Variants in DACH2 observed in about 807,000 individuals in gnomAD.
The protein encoded by DACH2 is dachshund homolog 2.
Under a neutral mutation model 35.8 loss-of-function variants are expected in DACH2, and 17 were observed. The observed-to-expected ratio is 0.48, with a 90% CI of 0.33 to 0.71. DACH2 has a LOEUF of 0.71. DACH2 is among the 30% of genes least tolerant of loss of function. The probability of loss-of-function intolerance (pLI) is 0.02; values close to 1 mark genes in which losing one functional copy is unlikely to be tolerated. For missense variants in DACH2, 469 were observed against 472.7 expected (o/e 0.99, Z 0.07); for synonymous variants, 195 against 177.3 (o/e 1.10, Z -0.79).
At chrX:86,444,131 C>T (rs1219261660) in intron 2 of DACH2, among the ~76,000 whole-genome samples, 1 of 111,729 alleles carries the variant, frequency 9.0e-6, no homozygotes, top group African/African-American at 3.3e-5. Flanking sequence ...TGCCCTGTCA[C>T]CCAGGCTGGA....
intron 2 of DACH2, among the ~76,000 whole-genome samples, chrX:86,425,009 C>T (rs962423431): frequency 1.8e-4 from 20 of 110,923 alleles, no homozygotes; most frequent in African/African-American, 5.6e-4. Flanking sequence ...TGTCCTTGTA[C>T]CCCAGGGATA....
chrX:86,157,044 C>CT (rs2030570327), intron 1 of DACH2, among the ~76,000 whole-genome samples: 1 of 110,742 alleles, frequency 9.0e-6, no homozygotes, highest in Non-Finnish European at 1.9e-5. Flanking sequence ...GAAGTTGAAA[C>CT]TACTCGTATC....
chrX:86,238,751 G>T lies in DACH2; in HGVS notation c.488+89643G>T, dbSNP rs1297837819. Among the ~76,000 whole-genome samples, 22 of 111,012 alleles carry T rather than the reference G, an allele frequency of 2.0e-4. No individual in the cohort carries two copies. The Admixed American group carries it at 2.0e-3, about 10-fold the overall frequency. The stretch of plus-strand genomic sequence containing the variant: ...CTACCAGTACATAATGAAAGAACAT[G>T]AAATTAATACAAATAAAAGCTTTAT... On this transcript the variant is annotated intron_variant, in intron 1 of 11. Transcript: ENST00000373125.
chrX:86,680,459 C>A (rs746637405), intron 4 of DACH2, among the ~76,000 whole-genome samples: 51 of 111,430 alleles, frequency 4.6e-4, no homozygotes, highest in African/African-American at 1.6e-3. Flanking sequence ...AATTACCAGA[C>A]ACTATTTTTT....
chrX:86,647,842 T>C (rs977500565), intron 3 of DACH2, among the ~76,000 whole-genome samples: 5 of 110,839 alleles, frequency 4.5e-5, no homozygotes, highest in African/African-American at 1.6e-4. Flanking sequence ...ATCTGAATCA[T>C]ACCTCAGTAA....
rs375711615 is a variant in DACH2 at position 86,148,792 on chromosome X, G to A, written c.172G>A (p.Gly58Ser). The part of the protein sequence containing the change: ...VNNHSNSAGG[G>S]GRGNTNTNEC... ...TAACCACAGCAACAGTGCCGGAGGC[G>A]GCGGCAGGGGCAACACCAACACCAA... The change falls in exon 1 of 12, where the codon GGC (glycine) becomes AGC (serine). Residue 58 changes from glycine to serine, a missense_variant. Physicochemically the swap from Gly to Ser is moderately conservative, Grantham distance 56. Coordinates refer to ENST00000373125, the MANE Select transcript of DACH2 (RefSeq NM_053281.3). 20 of 1,209,294 alleles carry A rather than the reference G, an allele frequency of 1.7e-5. No homozygotes were observed. The African/African-American group carries it at 3.3e-4, about 20-fold the overall frequency.
intron 2 of DACH2, among the ~76,000 whole-genome samples, chrX:86,509,246 T>C (rs1215875130): frequency 2.7e-5 from 3 of 111,840 alleles, no homozygotes; most frequent in Non-Finnish European, 5.6e-5. Context: ...TGGTGTGTTT[T>C]TAATTCTTTG....
intron 6 of DACH2, among the ~76,000 whole-genome samples, chrX:86,725,013 G>A (rs772954125): frequency 7.9e-4 from 78 of 98,115 alleles, no homozygotes; most frequent in African/African-American, 2.5e-3. Context: ...TGAACTTTTC[G>A]GTTCTGGAAT....
intron 1 of DACH2, among the ~76,000 whole-genome samples, chrX:86,292,013 C>T (rs1569333544): frequency 1.5e-5 from 1 of 67,724 alleles, no homozygotes; most frequent in Non-Finnish European, 2.6e-5. Flanking sequence ...TGAGTTCCTG[C>T]TTGTACCTCT....
chrX:86,280,757 A>G (rs778322988), intron 1 of DACH2, among the ~76,000 whole-genome samples: 29 of 112,067 alleles, frequency 2.6e-4, no homozygotes, highest in African/African-American at 9.1e-4. Context: ...ATAGAGGAAT[A>G]TTTACCAAGC....
chrX:86,280,249 G>A (rs745586163), intron 1 of DACH2, among the ~76,000 whole-genome samples: 2 of 112,126 alleles, frequency 1.8e-5, no homozygotes, highest in Non-Finnish European at 3.8e-5. Flanking sequence ...ACTAACAGTG[G>A]ATCTCTCTGC....
Position 86,788,326 on chromosome X carries a change from G to A in DACH2, c.1241-24530G>A, listed in dbSNP as rs1178637235. Among the ~76,000 whole-genome samples the A allele has an allele frequency of 4.5e-5, 5 of 110,446 alleles. No individual in the cohort carries two copies. In the East Asian group the frequency reaches 1.4e-3, roughly 32 times the overall value. ...TCTATTGGGAGACTGACTTTCCCTG[G>A]TGCTAGCTGCAACCAATTACTATTT... is the stretch of plus-strand genomic sequence containing the variant. On this transcript the variant is annotated intron_variant, in intron 7 of 11. Coordinates refer to ENST00000373125, the MANE Select transcript of DACH2 (RefSeq NM_053281.3).
At chrX:86,630,443 A>T (rs1346996789) in intron 3 of DACH2, among the ~76,000 whole-genome samples, 4 of 109,647 alleles carry the variant, frequency 3.6e-5, no homozygotes, top group Non-Finnish European at 7.6e-5. Flanking sequence ...TATGAACGAG[A>T]GAGAGCTTGT....
At position 86,344,316 on chromosome X, in the gene DACH2, G is replaced by C. The variant is rs114357583; in HGVS notation, c.489-32508G>C. ...ATGTAGACTAAATTAAAAGGTACTT[G>C]GAAGTGCATATATATATATATATAT... On this transcript the variant is annotated intron_variant, in intron 1 of 11. Transcript: ENST00000373125. Among the ~76,000 whole-genome samples, 339 of 75,396 alleles carry C rather than the reference G, an allele frequency of 4.5e-3. 1 individual carries two copies. Among genetic ancestry groups the C allele is most frequent in the African/African-American group, 0.016 (334 of 21,511 alleles). The allele number at this position is 75,396 out of a possible 115,157, so 65.5% of individuals were successfully genotyped here. A position where few individuals can be genotyped will look rare whatever the true frequency, so the allele number is the denominator to read the frequency against.
intron 2 of DACH2, among the ~76,000 whole-genome samples, chrX:86,505,629 G>A (rs948405836): frequency 1.4e-4 from 13 of 90,186 alleles, no homozygotes; most frequent in Middle Eastern, 5.3e-3. Context: ...TCCTTTTTAA[G>A]TTGTTTAGCA....
At chrX:86,156,109 A>C (rs2147858804) in intron 1 of DACH2, among the ~76,000 whole-genome samples, 1 of 111,524 alleles carries the variant, frequency 9.0e-6, no homozygotes, top group South Asian at 3.7e-4. Context: ...TTTAAGAAGT[A>C]ACACAAATTG....
At chrX:86,808,677 T>C (rs1018805218) in intron 7 of DACH2, among the ~76,000 whole-genome samples, 1 of 108,426 alleles carries the variant, frequency 9.2e-6, no homozygotes, top group African/African-American at 3.3e-5. Flanking sequence ...CCTGGGACAA[T>C]AGTATTTAGG....
At chrX:86,507,586 TG>T (rs1278402387) in intron 2 of DACH2, among the ~76,000 whole-genome samples, 1 of 111,239 alleles carries the variant, frequency 9.0e-6, no homozygotes, top group Non-Finnish European at 1.9e-5. Context: ...ATGTTTCTTC[TG>T]TGGTCAAATA....
intron 3 of DACH2, among the ~76,000 whole-genome samples, chrX:86,534,891 T>G: frequency 8.9e-6 from 1 of 111,996 alleles, no homozygotes; most frequent in Non-Finnish European, 1.9e-5. Flanking sequence ...TAAATTAAAT[T>G]TATATTTTTT....
Sources: gnomAD v4.1 joint callset for allele counts (sites outside exome capture counted in the v4.1 genomes callset) on GRCh38, gnomAD v4.1.1 for gene constraint, MANE v1.5 for transcripts, NCBI Gene and HGNC (gene_info 2026-07-23, HGNC 2026-07-21) for gene names.